The following VPS13D variants were observed in gnomAD, a reference collection of about 807,000 sequenced individuals.
The protein encoded by VPS13D is vacuolar protein sorting 13 homolog D, also known as intermembrane lipid transfer protein VPS13D.
In VPS13D, 187 loss-of-function variants were observed where a neutral mutation model predicts 461.9. The ratio of observed to expected loss-of-function variants is 0.40; its 90% CI spans 0.36 to 0.46. The LOEUF is 0.46. Ranked by LOEUF, VPS13D falls within the 20% of genes least tolerant of loss-of-function variation. The pLI is 0.60. For synonymous variants in VPS13D, 1,951 were observed against 1,986.3 expected (o/e 0.98, Z 0.47); for missense variants, 4,711 against 5,364.9 (o/e 0.88, Z 3.81).
intron 67 of VPS13D, among the ~76,000 whole-genome samples, chr1:12,486,706 C>T (rs182381922): frequency 7.2e-5 from 11 of 152,312 alleles, no homozygotes; most frequent in African/African-American, 1.2e-4. Context: ...TTGTTACCAA[C>T]GCCCTGCCTT....
At position 12,502,643 on chromosome 1, in the gene VPS13D, A is replaced by G; in HGVS notation, c.12795-4210A>G. Among the ~76,000 whole-genome samples the G allele has an allele frequency of 7.1e-6, 1 of 141,648 alleles. No homozygotes were observed. The allele number at this position is 141,648 out of a possible 152,430, so 92.9% of individuals were successfully genotyped here. A position where few individuals can be genotyped will look rare whatever the true frequency, so the allele number is the denominator to read the frequency against. Reference sequence around the variant, plus strand: ...AGGTATATAAATGAGTTAATATCGAAAAAAAAAAAAAAGAGCAGGAGGAAA... The same window carrying G: ...AGGTATATAAATGAGTTAATATCGAGAAAAAAAAAAAAGAGCAGGAGGAAA... On this transcript the variant is annotated intron_variant, in intron 68 of 69. Transcript: ENST00000620676. The surrounding 1 kb of genome is among the most constrained non-coding windows in gnomAD (Gnocchi z 4.3).
At chr1:12,488,060 C>T (rs569102635) in intron 67 of VPS13D, among the ~76,000 whole-genome samples, 7 of 152,334 alleles carry the variant, frequency 4.6e-5, no homozygotes, top group Middle Eastern at 3.4e-3. Context: ...TTAAGCACTC[C>T]TTTCTTCAGA....
intron 67 of VPS13D, chr1:12,478,781 GCT>G (rs1317175320): frequency 6.6e-6 from 3 of 455,950 alleles, no homozygotes; most frequent in South Asian, 3.1e-5. Context: ...CTTCAGAGTA[GCT>G]CTCTGTTTGT....
intron 10 of VPS13D, among the ~76,000 whole-genome samples, chr1:12,258,310 G>A (rs934439796): frequency 6.6e-6 from 1 of 152,198 alleles, no homozygotes; most frequent in Non-Finnish European, 1.5e-5. Context: ...GGGCCATGGG[G>A]TAGGAGGAAG....
intron 25 of VPS13D, among the ~76,000 whole-genome samples, chr1:12,302,786 C>T (rs1642459652): frequency 6.7e-6 from 1 of 148,844 alleles, no homozygotes; most frequent in South Asian, 2.1e-4. Flanking sequence ...GAATTACTTT[C>T]ATACTATGTA....
chr1:12,348,465 TCTTAC>T, intron 44 of VPS13D, among the ~76,000 whole-genome samples: 1 of 152,370 alleles, frequency 6.6e-6, no homozygotes, highest in South Asian at 2.1e-4. Flanking sequence ...GCAGATACTT[TCTTAC>T]CAAATTACAG....
At chr1:12,296,300 T>A (rs943803063) in intron 24 of VPS13D, among the ~76,000 whole-genome samples, 5 of 152,246 alleles carry the variant, frequency 3.3e-5, no homozygotes, top group Admixed American at 2.0e-4. Flanking sequence ...TATAATAATT[T>A]CTTTTAATTC....
chr1:12,254,943 C>T (rs1416350233), intron 7 of VPS13D, among the ~76,000 whole-genome samples: 1 of 150,848 alleles, frequency 6.6e-6, no homozygotes, highest in African/African-American at 2.4e-5. Context: ...TACATGATGG[C>T]TTTCTTCTTT....
At chr1:12,470,192 G>A (rs1389483217) in intron 67 of VPS13D, among the ~76,000 whole-genome samples, 1 of 152,222 alleles carries the variant, frequency 6.6e-6, no homozygotes, top group Non-Finnish European at 1.5e-5. Context: ...CTTCAAAGGG[G>A]AGACAGAGCA....
At position 12,378,476 on chromosome 1, in the gene VPS13D, C is replaced by G. The variant is rs1335548277; in HGVS notation, c.10966C>G (p.Leu3656Val). 2.5e-6 allele frequency: 4 copies of G among 1,612,078 alleles called. No individual in the cohort carries two copies. Among genetic ancestry groups the G allele is most frequent in the Non-Finnish European group, 2.5e-6 (3 of 1,179,172 alleles). The change falls in exon 56 of 70, where the codon CTG becomes GTG. Residue 3656 changes from leucine (L) to valine (V), a missense_variant. Physicochemically the swap from Leu to Val is conservative, Grantham distance 32. Coordinates refer to ENST00000620676, the MANE Select transcript of VPS13D (RefSeq NM_015378.4). Reference protein sequence around the residue: ...QLWRMTGTGMLAHEGSSVPHN... With the variant: ...QLWRMTGTGMVAHEGSSVPHN... ...GTGGAGGATGACAGGAACAGGAATG[C>G]TGGCCCATGAGGGCTCCTCAGTTCC... is the stretch of plus-strand genomic sequence containing the variant.
At position 12,379,544 on chromosome 1, in the gene VPS13D, G is replaced by A; in HGVS notation, c.11138G>A (p.Trp3713Ter). Residue 3713 changes from tryptophan to a stop codon, truncating the protein, a stop_gained, in exon 57 of 70, where the codon TGG becomes TAG. Coordinates refer to ENST00000620676, the MANE Select transcript of VPS13D (RefSeq NM_015378.4). LOFTEE classifies it high-confidence loss of function. ...PDRRRSTTQT[W>*]SFREGKLTCG... ...CGCAGGCGAAGCACAACTCAGACGT[G>A]GAGTTTCCGAGAAGGAAAACTGACC... 6.2e-7 allele frequency: 1 copy of A among 1,613,564 alleles called. No individual in the cohort carries two copies. The highest frequency in any genetic ancestry group is 8.5e-7 in the Non-Finnish European group (1 of 1,179,776).
At chr1:12,475,594 C>T (rs962432154) in intron 67 of VPS13D, among the ~76,000 whole-genome samples, 19 of 152,252 alleles carry the variant, frequency 1.2e-4, no homozygotes, top group South Asian at 6.2e-4. Context: ...CCCAGCTGGA[C>T]TTAGCACCAT....
chr1:12,341,931 G>A, intron 41 of VPS13D, 46 bp downstream of exon 41: 1 of 1,588,254 alleles, frequency 6.3e-7, no homozygotes, highest in Non-Finnish European at 8.6e-7. Flanking sequence ...TGCCACCAAA[G>A]CCTTCTTGTG....
Position 12,494,350 on chromosome 1 carries a change from T to G in VPS13D, c.12663-3150T>G, listed in dbSNP as rs1049745396. 2.0e-5 allele frequency among the ~76,000 whole-genome samples: 3 copies of G among 151,812 alleles called. No individual in the cohort carries two copies. The East Asian group carries it at 5.8e-4, about 30-fold the overall frequency. On this transcript the variant is annotated intron_variant, in intron 67 of 69. Transcript: ENST00000620676. ...AGTTTACAGGTTAAAAAATAATGTATTGGGAGTGGGGGTGAGGTTGGATCA... is the reference window on the plus strand; with the variant it reads ...AGTTTACAGGTTAAAAAATAATGTAGTGGGAGTGGGGGTGAGGTTGGATCA...
chr1:12,365,183 G>A (rs1340585512), intron 52 of VPS13D, among the ~76,000 whole-genome samples: 3 of 152,126 alleles, frequency 2.0e-5, no homozygotes, highest in Non-Finnish European at 4.4e-5. Flanking sequence ...TTTGGAATAA[G>A]GAAATGTGAG....
At chr1:12,336,775 A>T (rs971562713) in intron 39 of VPS13D, 1 of 152,192 alleles carries the variant, frequency 6.6e-6, no homozygotes, top group African/African-American at 2.4e-5. Flanking sequence ...CAAGGTCATT[A>T]CTTAGGAGCC....
intron 67 of VPS13D, among the ~76,000 whole-genome samples, chr1:12,486,302 G>T (rs1645796272): frequency 6.6e-6 from 1 of 152,202 alleles, no homozygotes; most frequent in African/African-American, 2.4e-5. Context: ...GTGGGTGATT[G>T]GTTGCTTCTT....
At chr1:12,324,544 T>C (rs1643130083) in intron 35 of VPS13D, among the ~76,000 whole-genome samples, 1 of 152,142 alleles carries the variant, frequency 6.6e-6, no homozygotes, top group African/African-American at 2.4e-5. Context: ...TGGGTTCAGA[T>C]CCTTACTGTC....
chr1:12,451,823 G>A (rs562954057), intron 65 of VPS13D, among the ~76,000 whole-genome samples: 1 of 152,268 alleles, frequency 6.6e-6, no homozygotes, highest in South Asian at 2.1e-4. Context: ...TTCCCATTTT[G>A]CATATAAAGA....
Sources: gnomAD v4.1 joint callset for allele counts (sites outside exome capture counted in the v4.1 genomes callset) on GRCh38, gnomAD v4.1.1 for gene constraint, Gnocchi (gnomAD v3.1) non-coding constraint, MANE v1.5 for transcripts, NCBI Gene and HGNC (gene_info 2026-07-23, HGNC 2026-07-21) for gene names.